Variants in RNF123 observed in about 807,000 individuals in gnomAD.
RNF123 encodes the protein ring finger protein 123.
In RNF123, 86 loss-of-function variants were observed where a neutral mutation model predicts 168.5. The ratio of observed to expected loss-of-function variants is 0.51; its 90% CI spans 0.43 to 0.61. The LOEUF is 0.61. RNF123 is among the 20% of genes least tolerant of loss of function. RNF123 has a pLI of 0.00. For synonymous variants in RNF123, 666 were observed against 689.1 expected (o/e 0.97, Z 0.52); for missense variants, 1,419 against 1,729.7 (o/e 0.82, Z 3.19).
intron 5 of RNF123, 50 bp downstream of exon 5, chr3:49,697,507 G>T (rs767480104): frequency 9.2e-6 from 13 of 1,415,918 alleles, no homozygotes; most frequent in South Asian, 1.4e-5. Context: ...TTCTGACATA[G>T]CCCCAGGCTC....
At chr3:49,712,362 C>T (rs2080159375) in intron 26 of RNF123, 117 bp from the exon 27 acceptor site, 4 of 916,438 alleles carry the variant, frequency 4.4e-6, no homozygotes, top group South Asian at 1.6e-5. Flanking sequence ...TCCTGAAATC[C>T]AGGTCTCAGT....
chr3:49,716,114 G>A lies in RNF123; in HGVS notation c.3352G>A (p.Val1118Met). Residue 1118 changes from valine to methionine, a missense_variant, in exon 34 of 39, where the codon GTG (valine) becomes ATG (methionine). Coordinates refer to ENST00000327697, the MANE Select transcript of RNF123 (RefSeq NM_022064.5). ...LRRLAQLLNQVLNRVTAERNL... is the reference protein window; with the variant it reads ...LRRLAQLLNQMLNRVTAERNL... ...GCTCCCCTCACAGCTGCTAAACCAGGTGCTGAACCGGGTGACAGCTGAGAG... is the reference window on the plus strand; with the variant it reads ...GCTCCCCTCACAGCTGCTAAACCAGATGCTGAACCGGGTGACAGCTGAGAG... The A allele has an allele frequency of 1.2e-6, 2 of 1,613,772 alleles. No homozygotes were observed. The highest frequency in any genetic ancestry group is 1.7e-6 in the Non-Finnish European group (2 of 1,179,964).
Position 49,705,679 on chromosome 3 carries a change from G to A in RNF123, c.2304G>A (p.Lys768=). The change falls in exon 24 of 39, where the codon AAG becomes AAA. Residue 768 remains lysine (K), a splice_region_variant and synonymous_variant. Coordinates refer to ENST00000327697, the MANE Select transcript of RNF123 (RefSeq NM_022064.5). ...YNLSVHQQLG[K]MVGVSDDVNE... is the part of the protein sequence containing the mutation. Reference sequence around the variant, plus strand: ...TCAGCGTACACCAGCAGCTGGGCAAGGTCGTGCACTCTTGGACCCCGCATT... The same window carrying A: ...TCAGCGTACACCAGCAGCTGGGCAAAGTCGTGCACTCTTGGACCCCGCATT... The A allele has an allele frequency of 6.2e-7, 1 of 1,614,210 alleles. No individual in the cohort carries two copies.
intron 35 of RNF123, chr3:49,718,105 A>G (rs1279956840): frequency 1.2e-6 from 2 of 1,613,576 alleles, no homozygotes; most frequent in East Asian, 2.2e-5. Context: ...CAGAAAGACT[A>G]CGTGCTTGTG....
chr3:49,709,485 A>G (rs868671512), intron 26 of RNF123, among the ~76,000 whole-genome samples: 4 of 152,042 alleles, frequency 2.6e-5, no homozygotes, highest in Non-Finnish European at 4.4e-5. Flanking sequence ...TATTTTTAGT[A>G]GAGACAGGGT....
chr3:49,705,419 G>A (rs545728440), intron 23 of RNF123, 115 bp from the exon 24 acceptor site: 27 of 1,451,118 alleles, frequency 1.9e-5, no homozygotes, highest in Middle Eastern at 2.6e-4. Flanking sequence ...TGGGCTCCCC[G>A]CGGGTCCCTC....
chr3:49,714,231 A>ACCCATGGGT, intron 31 of RNF123, 57 bp downstream of exon 31: 1 of 1,479,312 alleles, frequency 6.8e-7, no homozygotes, highest in Non-Finnish European at 9.4e-7. Flanking sequence ...CTTACCTCCT[A>ACCCATGGGT]CCCATGGGTT....
chr3:49,714,172 A>G lies in RNF123; in HGVS notation c.3008A>G (p.Gln1003Arg). Reference sequence around the variant, plus strand: ...GAGGACGCCAATTTGCCCAGCCTCCAGAGTGAGTATCTGGGTTGGGCGAGT... The same window carrying G: ...GAGGACGCCAATTTGCCCAGCCTCCGGAGTGAGTATCTGGGTTGGGCGAGT... ...KLEDANLPSLQKPCPSTLLQQ... is the reference protein window; with the variant it reads ...KLEDANLPSLRKPCPSTLLQQ... Residue 1003 changes from glutamine to arginine, a missense_variant and splice_region_variant, in exon 31 of 39, where the codon CAG becomes CGG. Gln to Arg is a conservative substitution (Grantham distance 43). This residue lies in a region of RNF123 where 538 missense variants were observed against 708.8 expected (regional missense o/e 0.76). Coordinates refer to ENST00000327697, the MANE Select transcript of RNF123 (RefSeq NM_022064.5). 1.2e-6 allele frequency: 2 copies of G among 1,614,132 alleles called. No individual in the cohort carries two copies. Among genetic ancestry groups the G allele is most frequent in the Non-Finnish European group, 1.7e-6 (2 of 1,180,012 alleles).
chr3:49,698,757 G>C lies in RNF123; in HGVS notation c.573G>C (p.Ala191=), dbSNP rs201247664. 6.2e-7 allele frequency: 1 copy of C among 1,613,558 alleles called. No homozygotes were observed. Among genetic ancestry groups the C allele is most frequent in the Admixed American group, 1.7e-5 (1 of 59,968 alleles). The stretch of plus-strand genomic sequence containing the variant: ...GGTGAGGCCTCCTCTCATGGCAGGC[G>C]TGGGCAGCGGGGGACATCGTGAGCT... The part of the protein sequence containing the change: ...WNVTTTNYGK[A]WAAGDIVSCL... The change falls in exon 9 of 39, where the codon GCG becomes GCC. Residue 191 remains alanine (A), a splice_region_variant and synonymous_variant. Coordinates refer to ENST00000327697, the MANE Select transcript of RNF123 (RefSeq NM_022064.5).
chr3:49,694,970 A>G (rs1441332666), intron 3 of RNF123, among the ~76,000 whole-genome samples: 2 of 152,164 alleles, frequency 1.3e-5, no homozygotes, highest in African/African-American at 4.8e-5. Flanking sequence ...AAGGTCAGGG[A>G]AGTTGCTGGT....
rs897744315 is a variant in RNF123 at position 49,693,055 on chromosome 3, A to T, written c.167+1546A>T. The stretch of plus-strand genomic sequence containing the variant: ...AGTTTAGTTTTTTTTTTTTTGAAAA[A>T]TTTTTTTTTTTGAGACGGAGTCTTG... On this transcript the variant is annotated intron_variant, in intron 3 of 38. Coordinates refer to ENST00000327697, the MANE Select transcript of RNF123 (RefSeq NM_022064.5). Among the ~76,000 whole-genome samples the T allele has an allele frequency of 3.2e-3, 474 of 147,708 alleles. 2 individuals carry two copies. Among genetic ancestry groups the T allele is most frequent in the Non-Finnish European group, 5.6e-3 (372 of 66,640 alleles).
intron 35 of RNF123, chr3:49,717,953 A>G (rs761669062): frequency 1.2e-6 from 2 of 1,611,446 alleles, no homozygotes; most frequent in Non-Finnish European, 1.7e-6. Context: ...TGGGCAGTCT[A>G]GGTTGTCATG....
chr3:49,711,287 C>A (rs769184026), intron 26 of RNF123, among the ~76,000 whole-genome samples: 6 of 152,176 alleles, frequency 3.9e-5, no homozygotes, highest in Non-Finnish European at 5.9e-5. Flanking sequence ...CCAGCCTTGA[C>A]GCTATATGTG....
intron 35 of RNF123, chr3:49,718,203 T>G (rs1239537783): frequency 6.2e-7 from 1 of 1,611,612 alleles, no homozygotes; most frequent in Admixed American, 1.7e-5. Flanking sequence ...GGCTGGGTGT[T>G]TGGGGCCAGC....
At position 49,715,589 on chromosome 3, in the gene RNF123, A is replaced by C. The variant is rs1575539641; in HGVS notation, c.3025A>C (p.Thr1009Pro). 1 of 1,613,946 alleles carries C rather than the reference A, an allele frequency of 6.2e-7. No homozygotes were observed. The highest frequency in any genetic ancestry group is 8.5e-7 in the Non-Finnish European group (1 of 1,179,978). ...TCCCCCTGCAGAGCCCTGCCCTTCC[A>C]CCCTGCTGCAGCAGCACATGGCGGA... is the stretch of plus-strand genomic sequence containing the variant. ...LPSLQKPCPSTLLQQHMADLL... is the reference protein window; with the variant it reads ...LPSLQKPCPSPLLQQHMADLL... Residue 1009 changes from threonine to proline, a missense_variant, in exon 32 of 39, where the codon ACC (threonine) becomes CCC (proline). This residue lies in a region of RNF123 where 538 missense variants were observed against 708.8 expected (regional missense o/e 0.76). Transcript: ENST00000327697.
At chr3:49,698,264 A>G (rs879170699) in intron 7 of RNF123, 127 bp downstream of exon 7, 2 of 973,978 alleles carry the variant, frequency 2.1e-6, no homozygotes, top group South Asian at 1.5e-5. Flanking sequence ...CCCTCTGGAG[A>G]AGAAACGTGT....
chr3:49,718,651 T>G, intron 35 of RNF123: 1 of 1,613,012 alleles, frequency 6.2e-7, no homozygotes, highest in Non-Finnish European at 8.5e-7. Flanking sequence ...CGACGAGCAG[T>G]TCTCAAAGAC....
intron 3 of RNF123, among the ~76,000 whole-genome samples, chr3:49,695,499 G>A (rs1390605979): frequency 6.6e-6 from 1 of 152,220 alleles, no homozygotes; most frequent in African/African-American, 2.4e-5. Context: ...TGAGCACCCC[G>A]ACTGCATAGC....
At chr3:49,702,565 G>A (rs1343292854) in intron 19 of RNF123, 68 bp from the exon 20 acceptor site, 4 of 1,612,892 alleles carry the variant, frequency 2.5e-6, no homozygotes, top group East Asian at 2.2e-5. Flanking sequence ...CTCAGGCAGG[G>A]CCTTGGATGA....
Sources: gnomAD v4.1 joint callset for allele counts (sites outside exome capture counted in the v4.1 genomes callset) on GRCh38, gnomAD v4.1.1 for gene constraint, gnomAD v4.1.1 regional missense constraint, MANE v1.5 for transcripts, NCBI Gene and HGNC (gene_info 2026-07-23, HGNC 2026-07-21) for gene names.